B3GALT1: variants seen among roughly 807,000 people sequenced by gnomAD.
The protein encoded by B3GALT1 is beta-1,3-galactosyltransferase 1, also known as UDP-Gal:betaGlcNAc beta 1,3-galactosyltransferase, polypeptide 1.
Under a neutral mutation model 23.2 loss-of-function variants are expected in B3GALT1, and 10 were observed. The ratio of observed to expected loss-of-function variants is 0.43; its 90% CI spans 0.27 to 0.73. The LOEUF is 0.73. B3GALT1 is among the 30% of genes least tolerant of loss of function. The probability of loss-of-function intolerance (pLI) is 0.21; values close to 1 mark genes in which losing one functional copy is unlikely to be tolerated. For synonymous variants in B3GALT1, 156 were observed against 141.5 expected (o/e 1.10, Z -0.73); for missense variants, 299 against 405.4 (o/e 0.74, Z 2.25).
chr2:167,593,858 A>C (rs1684726684), intron 2 of B3GALT1, among the ~76,000 whole-genome samples: 1 of 152,168 alleles, frequency 6.6e-6, no homozygotes, highest in Non-Finnish European at 1.5e-5. Flanking sequence ...AAGTAGAGTG[A>C]AGGTGAGAGA....
intron 3 of B3GALT1, among the ~76,000 whole-genome samples, chr2:167,656,451 A>G (rs1244028552): frequency 2.0e-5 from 3 of 152,180 alleles, no homozygotes; most frequent in Non-Finnish European, 4.4e-5. Context: ...TGTACTTAGT[A>G]GAGTTGAATT....
At chr2:167,393,540 T>C (rs1698052242) in intron 1 of B3GALT1, among the ~76,000 whole-genome samples, 1 of 152,184 alleles carries the variant, frequency 6.6e-6, no homozygotes, top group South Asian at 2.1e-4. Flanking sequence ...TTCCCTTATT[T>C]CTTTTTAACA....
At chr2:167,695,252 C>A (rs1474920517) in intron 3 of B3GALT1, among the ~76,000 whole-genome samples, 1 of 152,154 alleles carries the variant, frequency 6.6e-6, no homozygotes, top group East Asian at 1.9e-4. Flanking sequence ...CACTCCTGAT[C>A]TAGATTATTG....
At chr2:167,820,402 G>A (rs1689080189) in intron 4 of B3GALT1, among the ~76,000 whole-genome samples, 1 of 152,076 alleles carries the variant, frequency 6.6e-6, no homozygotes. Context: ...GATAACTTGG[G>A]GCTATGGGAT....
intron 2 of B3GALT1, among the ~76,000 whole-genome samples, chr2:167,551,736 T>C (rs1683750871): frequency 6.6e-6 from 1 of 152,048 alleles, no homozygotes; most frequent in Non-Finnish European, 1.5e-5. Flanking sequence ...AGGCACATTT[T>C]CTTAAATTCA....
chr2:167,741,495 A>G (rs1687576343), intron 3 of B3GALT1, among the ~76,000 whole-genome samples: 1 of 152,266 alleles, frequency 6.6e-6, no homozygotes, highest in South Asian at 2.1e-4. Context: ...GGTGTAGGAG[A>G]TAAGGGGGTG....
chr2:167,455,163 A>C (rs759083273), intron 1 of B3GALT1, among the ~76,000 whole-genome samples: 2 of 152,158 alleles, frequency 1.3e-5, no homozygotes, highest in Admixed American at 1.3e-4. Context: ...ATGTCCCATG[A>C]TTTTCCTAGA....
chr2:167,509,383 T>G (rs1176289845), intron 2 of B3GALT1, among the ~76,000 whole-genome samples: 1 of 151,998 alleles, frequency 6.6e-6, no homozygotes, highest in African/African-American at 2.4e-5. Context: ...AAATAAAAAT[T>G]TTCTGGTTTC....
intron 3 of B3GALT1, among the ~76,000 whole-genome samples, chr2:167,688,355 G>A (rs564136012): frequency 6.6e-6 from 1 of 152,198 alleles, no homozygotes; most frequent in African/African-American, 2.4e-5. Context: ...AGATTTTAAA[G>A]CAGCTGTCAT....
At chr2:167,518,628 C>G (rs911295279) in intron 2 of B3GALT1, among the ~76,000 whole-genome samples, 1 of 152,070 alleles carries the variant, frequency 6.6e-6, no homozygotes, top group Non-Finnish European at 1.5e-5. Context: ...TATCTCTGTT[C>G]GAAAGATGGG....
intron 2 of B3GALT1, among the ~76,000 whole-genome samples, chr2:167,581,138 C>T (rs544826032): frequency 5.9e-5 from 9 of 152,140 alleles, no homozygotes; most frequent in Non-Finnish European, 1.3e-4. Flanking sequence ...GTTTTCTGTT[C>T]CTACAGAGTA....
chr2:167,735,459 C>CA, intron 3 of B3GALT1, among the ~76,000 whole-genome samples: 1 of 152,328 alleles, frequency 6.6e-6, no homozygotes, highest in South Asian at 2.1e-4. Context: ...GTGAGAATTC[C>CA]AATCTATTTC....
intron 3 of B3GALT1, among the ~76,000 whole-genome samples, chr2:167,719,278 A>T (rs1687196043): frequency 6.6e-6 from 1 of 152,146 alleles, no homozygotes; most frequent in South Asian, 2.1e-4. Flanking sequence ...TTGATTTTTG[A>T]GATGCTTTTA....
chr2:167,794,529 A>G (rs1386347156), intron 3 of B3GALT1, among the ~76,000 whole-genome samples: 2 of 152,240 alleles, frequency 1.3e-5, no homozygotes, highest in Admixed American at 6.5e-5. Context: ...GTGATAGTTT[A>G]GAATCCTGAC....
rs1553497857 is a variant in B3GALT1 at position 167,864,016 on chromosome 2, G to GTGTGTT, written c.-229-4790_-229-4789insTTGTGT. Among the ~76,000 whole-genome samples the GTGTGTT allele has an allele frequency of 8.1e-3, 1,228 of 151,934 alleles. 16 individuals carry two copies. The highest frequency in any genetic ancestry group is 0.028 in the African/African-American group (1,147 of 41,444). ...TGTGTGTGTGTGTGTGTGTGTGTGT[G>GTGTGTT]TGTGTGTGTGTATGTTTCAGGTCTT... is the stretch of plus-strand genomic sequence containing the variant. On this transcript the variant is annotated intron_variant, in intron 4 of 4. Transcript: ENST00000392690.
chr2:167,302,559 T>A (rs986123791), intron 1 of B3GALT1, among the ~76,000 whole-genome samples: 3 of 152,184 alleles, frequency 2.0e-5, no homozygotes, highest in African/African-American at 4.8e-5. Context: ...ACTTTGCTTT[T>A]CACATCTTTA....
chr2:167,417,099 CA>C (rs1239049517), intron 1 of B3GALT1, among the ~76,000 whole-genome samples: 3 of 151,966 alleles, frequency 2.0e-5, no homozygotes, highest in African/African-American at 7.3e-5. Flanking sequence ...TTTGGGAGGC[CA>C]GGGGTGGGAT....
At chr2:167,700,822 T>G (rs952497371) in intron 3 of B3GALT1, among the ~76,000 whole-genome samples, 1 of 152,056 alleles carries the variant, frequency 6.6e-6, no homozygotes, top group Admixed American at 6.6e-5. Context: ...AGATTGACAC[T>G]CATATCTCCG....
chr2:167,349,192 C>T (rs1390153692), intron 1 of B3GALT1, among the ~76,000 whole-genome samples: 6 of 152,078 alleles, frequency 3.9e-5, no homozygotes, highest in Non-Finnish European at 8.8e-5. Flanking sequence ...ATAAACTGTT[C>T]CTAAGTTTTA....
Sources: allele counts gnomAD v4.1 joint callset (sites outside exome capture counted in the v4.1 genomes callset), GRCh38; gene constraint gnomAD v4.1.1; transcripts MANE v1.5; gene names NCBI Gene and HGNC (gene_info 2026-07-23, HGNC 2026-07-21).